The following ASAP1 variants were observed in gnomAD, a reference collection of about 807,000 sequenced individuals.
ASAP1 encodes arf-GAP with SH3 domain, ANK repeat and PH domain-containing protein 1.
ASAP1 carries 43 observed loss-of-function variants against 145.2 expected under a neutral mutation model. The observed-to-expected ratio is 0.30, with a 90% CI of 0.23 to 0.38. ASAP1 has a LOEUF of 0.38. Among genes scored for constraint, ASAP1 ranks in the 10% least tolerant of loss-of-function variants. The probability of loss-of-function intolerance (pLI) is 1.00; values close to 1 mark genes in which losing one functional copy is unlikely to be tolerated. For synonymous variants in ASAP1, 546 were observed against 515.5 expected (o/e 1.06, Z -0.80); for missense variants, 1,018 against 1,355.3 (o/e 0.75, Z 3.91).
intron 3 of ASAP1, among the ~76,000 whole-genome samples, chr8:130,313,265 C>T (rs1480451416): frequency 6.6e-6 from 1 of 151,678 alleles, no homozygotes; most frequent in Non-Finnish European, 1.5e-5. Context: ...TAAAATAAAA[C>T]ATATCCTCTG....
At chr8:130,260,315 G>A (rs1351970331) in intron 3 of ASAP1, among the ~76,000 whole-genome samples, 1 of 152,070 alleles carries the variant, frequency 6.6e-6, no homozygotes, top group East Asian at 1.9e-4. Flanking sequence ...GACCATAAAT[G>A]AGCTCTGTGC....
chr8:130,402,049 C>A, intron 1 of ASAP1, 79 bp from the exon 2 acceptor site: 1 of 936,568 alleles, frequency 1.1e-6, no homozygotes, highest in South Asian at 1.6e-5. Context: ...AGACCAAGAT[C>A]GGATTTCATA....
intron 3 of ASAP1, among the ~76,000 whole-genome samples, chr8:130,284,382 A>G (rs190560405): frequency 1.3e-5 from 2 of 152,332 alleles, no homozygotes; most frequent in Non-Finnish European, 1.5e-5. Context: ...ATTTAGCCAC[A>G]AAGTATGAGG....
chr8:130,075,770 T>C (rs1435217073), intron 27 of ASAP1, among the ~76,000 whole-genome samples: 1 of 152,192 alleles, frequency 6.6e-6, no homozygotes, highest in African/African-American at 2.4e-5. Context: ...CTGAGTGTCT[T>C]AGCTTGGCAA....
intron 11 of ASAP1, among the ~76,000 whole-genome samples, chr8:130,165,591 C>T (rs927094651): frequency 4.6e-5 from 7 of 152,176 alleles, no homozygotes; most frequent in African/African-American, 1.7e-4. Flanking sequence ...CAGTCAGAGG[C>T]CTCAAACCAC....
chr8:130,348,522 G>A (rs1052037414), intron 3 of ASAP1, among the ~76,000 whole-genome samples: 7 of 152,186 alleles, frequency 4.6e-5, no homozygotes, highest in African/African-American at 1.7e-4. Flanking sequence ...GGGCTGTTCA[G>A]ACAGGGCTGT....
chr8:130,150,515 G>A (rs2097643589), intron 13 of ASAP1, among the ~76,000 whole-genome samples: 1 of 152,158 alleles, frequency 6.6e-6, no homozygotes, highest in South Asian at 2.1e-4. Flanking sequence ...AATGCCTAGT[G>A]AGGACTGTTA....
At chr8:130,075,043 C>T (rs77462555) in intron 27 of ASAP1, among the ~76,000 whole-genome samples, 2,366 of 152,222 alleles carry the variant, frequency 0.016, 33 homozygotes, top group East Asian at 0.053. Context: ...GGTAAAGCCC[C>T]ATGGGCACTG....
intron 3 of ASAP1, among the ~76,000 whole-genome samples, chr8:130,342,094 A>C (rs566359472): frequency 6.6e-6 from 1 of 152,288 alleles, no homozygotes; most frequent in South Asian, 2.1e-4. Flanking sequence ...TTTGGAAAGG[A>C]AAGTGTCGGT....
chr8:130,107,657 C>G (rs2097539746), intron 24 of ASAP1, among the ~76,000 whole-genome samples: 1 of 152,068 alleles, frequency 6.6e-6, no homozygotes, highest in Non-Finnish European at 1.5e-5. Context: ...AAGCAATTCT[C>G]CTGCCTCAGA....
intron 9 of ASAP1, among the ~76,000 whole-genome samples, chr8:130,173,023 G>T (rs1427562617): frequency 2.6e-5 from 4 of 152,116 alleles, no homozygotes; most frequent in Non-Finnish European, 4.4e-5. Context: ...AGATTACAGG[G>T]TTTTTTCATT....
chr8:130,431,284 T>C (rs1308715588), intron 1 of ASAP1, among the ~76,000 whole-genome samples: 1 of 152,168 alleles, frequency 6.6e-6, no homozygotes, highest in African/African-American at 2.4e-5. Context: ...CAGAGTCACC[T>C]TTCCAACAGG....
chr8:130,299,236 C>T (rs1248680086), intron 3 of ASAP1, among the ~76,000 whole-genome samples: 3 of 152,136 alleles, frequency 2.0e-5, no homozygotes, highest in African/African-American at 7.2e-5. Context: ...GTGCCCTGTG[C>T]TTTGTGCAGA....
At chr8:130,185,633 G>A (rs1310039744) in intron 7 of ASAP1, among the ~76,000 whole-genome samples, 1 of 150,388 alleles carries the variant, frequency 6.6e-6, no homozygotes, top group Non-Finnish European at 1.5e-5. Context: ...GGAGGCTGAG[G>A]CAGGAGAATC....
chr8:130,122,680 A>T (rs1183175508), intron 18 of ASAP1, among the ~76,000 whole-genome samples: 2 of 152,142 alleles, frequency 1.3e-5, no homozygotes, highest in South Asian at 4.1e-4. Flanking sequence ...TATGATATGA[A>T]CTCCAGCAGT....
chr8:130,295,585 A>G (rs796919924), intron 3 of ASAP1, among the ~76,000 whole-genome samples: 13 of 152,340 alleles, frequency 8.5e-5, no homozygotes, highest in African/African-American at 3.1e-4. Flanking sequence ...AAGTAAGCAC[A>G]CAATGTAGCT....
intron 5 of ASAP1, among the ~76,000 whole-genome samples, chr8:130,214,263 G>T (rs1255056041): frequency 2.0e-5 from 3 of 152,142 alleles, no homozygotes; most frequent in Admixed American, 2.0e-4. Flanking sequence ...ATGTGGAAGA[G>T]AATTCAGGTT....
chr8:130,377,841 C>T (rs1275531903), intron 2 of ASAP1, among the ~76,000 whole-genome samples: 2 of 152,210 alleles, frequency 1.3e-5, no homozygotes, highest in African/African-American at 4.8e-5. Context: ...CTCTCTCTCA[C>T]CCCTTCAGAC....
chr8:130,054,632 T>C lies in ASAP1; in HGVS notation c.*99A>G, dbSNP rs1187019955. ...TGAGGTGGCCCTTCCATGAGTTTCT[T>C]ACTCTGTAACAGCAGCTATATACAC... is the stretch of plus-strand genomic sequence containing the variant. On this transcript the variant is annotated 3_prime_UTR_variant, in exon 30 of 30. Coordinates refer to ENST00000518721, the MANE Select transcript of ASAP1 (RefSeq NM_018482.4). 8.7e-6 allele frequency: 9 copies of C among 1,040,158 alleles called. No homozygotes were observed. The Admixed American group carries it at 1.4e-4, about 16-fold the overall frequency. 64.4% of individuals were successfully genotyped at this position (1,040,158 alleles called of 1,614,324 possible). A position where few individuals can be genotyped will look rare whatever the true frequency, so the allele number is the denominator to read the frequency against.
Sources: allele counts gnomAD v4.1 joint callset (sites outside exome capture counted in the v4.1 genomes callset), GRCh38; gene constraint gnomAD v4.1.1; transcripts MANE v1.5; gene names NCBI Gene and HGNC (gene_info 2026-07-23, HGNC 2026-07-21).